Variants in NONO observed in about 807,000 individuals in gnomAD.
NONO encodes the protein non-POU domain containing octamer binding, also known as non-POU domain-containing octamer-binding protein.
NONO carries 6 observed loss-of-function variants against 40.2 expected under a neutral mutation model. The ratio of observed to expected loss-of-function variants is 0.15; its 90% CI spans 0.08 to 0.29. NONO has a LOEUF of 0.29. NONO is among the 10% of genes least tolerant of loss of function. The pLI is 1.00. For missense variants in NONO, 133 were observed against 397.8 expected (o/e 0.33, Z 5.66); for synonymous variants, 89 against 123.3 (o/e 0.72, Z 1.85).
In NONO at chrX:71,292,089, T is replaced by C. The variant is rs780112489; in HGVS notation, c.348+117T>C. On this transcript the variant is annotated intron_variant, in intron 4 of 11. Coordinates refer to ENST00000276079, the MANE Select transcript of NONO (RefSeq NM_007363.5). ...TCAGATGATGTGTTCCTTGAAAGCTTGATGAAACAGAACCACAAAAATGGC... is the reference window on the plus strand; with the variant it reads ...TCAGATGATGTGTTCCTTGAAAGCTCGATGAAACAGAACCACAAAAATGGC... 31 of 492,937 alleles carry C rather than the reference T, an allele frequency of 6.3e-5. No homozygotes were observed. The South Asian group carries it at 1.9e-3, about 30-fold the overall frequency. 40.6% of individuals were successfully genotyped at this position (492,937 alleles called of 1,213,427 possible).
chrX:71,293,887 C>T (rs2031379830), intron 4 of NONO: 1 of 211,390 alleles, frequency 4.7e-6, no homozygotes, highest in Admixed American at 6.5e-5. Context: ...GCCTCGGCCT[C>T]CCAAAATTCT....
At chrX:71,294,070 G>A in intron 4 of NONO, 157 bp from the exon 5 acceptor site, 1 of 539,952 alleles carries the variant, frequency 1.9e-6, no homozygotes, top group Non-Finnish European at 2.9e-6. Flanking sequence ...GGTGGCCAAA[G>A]AGCTGAAGCA....
intron 4 of NONO, among the ~76,000 whole-genome samples, chrX:71,293,718 G>A (rs1224533793): frequency 4.5e-5 from 5 of 110,060 alleles, no homozygotes; most frequent in African/African-American, 9.9e-5. Context: ...TGCAACCTCC[G>A]CCTCCCGGGT....
At chrX:71,296,050 C>T (rs984390850) in intron 5 of NONO, among the ~76,000 whole-genome samples, 1 of 110,657 alleles carries the variant, frequency 9.0e-6, no homozygotes, top group African/African-American at 3.3e-5. Context: ...AGTACTGCAC[C>T]TACCTACTTG....
intron 5 of NONO, among the ~76,000 whole-genome samples, chrX:71,294,808 A>G (rs2031399625): frequency 8.9e-6 from 1 of 111,910 alleles, no homozygotes; most frequent in Admixed American, 9.5e-5. Flanking sequence ...ATTCCCAGCT[A>G]CTTGGGAGGC....
chrX:71,288,119 C>CTTTTTTTTTTTTTTTTTT (rs41517053), intron 2 of NONO, among the ~76,000 whole-genome samples: 452 of 53,773 alleles, frequency 8.4e-3, no homozygotes, highest in Non-Finnish European at 9.2e-3. Context: ...TTATTTTTAT[C>CTTTTTTTTTTTTTTTTTT]TTTTTTTTTT....
intron 11 of NONO, 83 bp downstream of exon 11, chrX:71,298,899 C>A: frequency 1.3e-6 from 1 of 741,480 alleles, no homozygotes; most frequent in Non-Finnish European, 2.0e-6. Flanking sequence ...CCCTGGGGGC[C>A]TACCTCAGTT....
intron 2 of NONO, among the ~76,000 whole-genome samples, chrX:71,286,001 TGACTA>T (rs1299870847): frequency 3.6e-5 from 4 of 112,203 alleles, no homozygotes; most frequent in Non-Finnish European, 7.5e-5. Flanking sequence ...CATAAATTAA[TGACTA>T]GAAGGATATA....
At position 71,300,379 on chromosome X, in the gene NONO, T is replaced by A; in HGVS notation, c.*303T>A. ...TCCAGTTAGAGCCCATTAATCTTGA[T>A]CATTCCGGTTTTTTTTTTTTTTGTC... On this transcript the variant is annotated 3_prime_UTR_variant, in exon 12 of 12. Transcript: ENST00000276079. 3.5e-6 allele frequency: 1 copy of A among 288,550 alleles called. No homozygotes were observed. 23.8% of individuals were successfully genotyped at this position (288,550 alleles called of 1,213,427 possible). A position where few individuals can be genotyped will look rare whatever the true frequency, so the allele number is the denominator to read the frequency against.
At chrX:71,289,477 G>C (rs1390828105) in intron 2 of NONO, among the ~76,000 whole-genome samples, 1 of 110,710 alleles carries the variant, frequency 9.0e-6, no homozygotes, top group African/African-American at 3.3e-5. Context: ...ATTTTTAGTA[G>C]AGACGGGGTT....
Position 71,294,451 on chromosome X carries a change from C to T in NONO, c.573C>T (p.Gly191=), listed in dbSNP as rs140307297. 4.7e-4 allele frequency: 566 copies of T among 1,210,223 alleles called. No individual in the cohort carries two copies. Among genetic ancestry groups the T allele is most frequent in the Middle Eastern group, 1.4e-3 (6 of 4,352 alleles). ...VDDRGRPSGK[G]IVEFSGKPAA... ...ATCGAGGAAGGCCCTCAGGAAAAGG[C>T]ATTGTTGAGTTCTCAGGGAAGCCAG... Residue 191 remains glycine (G), a synonymous_variant, in exon 5 of 12, where the codon GGC becomes GGT. Transcript: ENST00000276079.
At chrX:71,289,245 G>A (rs2031268650) in intron 2 of NONO, among the ~76,000 whole-genome samples, 1 of 111,258 alleles carries the variant, frequency 9.0e-6, no homozygotes, top group Non-Finnish European at 1.9e-5. Flanking sequence ...AACTGCTGAT[G>A]CCTCGTTGTT....
rs1230204084 is a variant in NONO, at chrX:71,297,263, A to G, written c.944-114A>G. The G allele has an allele frequency of 5.1e-6, 4 of 780,000 alleles. No homozygotes were observed. The East Asian group carries it at 1.4e-4, about 27-fold the overall frequency. 64.3% of individuals were successfully genotyped at this position (780,000 alleles called of 1,213,427 possible). A position where few individuals can be genotyped will look rare whatever the true frequency, so the allele number is the denominator to read the frequency against. On this transcript the variant is annotated intron_variant, in intron 7 of 11. Transcript: ENST00000276079. ...AACTTCATTTTGGAATCTGGACACCACAGGTGGTTCCAAAGGAATTAGATC... is the reference window on the plus strand; with the variant it reads ...AACTTCATTTTGGAATCTGGACACCGCAGGTGGTTCCAAAGGAATTAGATC...
intron 4 of NONO, 183 bp downstream of exon 4, chrX:71,292,155 C>G (rs1378370887): frequency 2.8e-6 from 1 of 353,822 alleles, no homozygotes; most frequent in Non-Finnish European, 4.7e-6. Context: ...TCAAGGATAA[C>G]AAGTTTTTTG....
At position 71,298,832 on chromosome X, in the gene NONO, T is replaced by G; in HGVS notation, c.1281+16T>G. The G allele has an allele frequency of 1.1e-4, 109 of 1,018,337 alleles. No homozygotes were observed. Among genetic ancestry groups the G allele is most frequent in the Non-Finnish European group, 1.3e-4 (95 of 722,686 alleles). 83.9% of individuals were successfully genotyped at this position (1,018,337 alleles called of 1,213,427 possible). On this transcript the variant is annotated intron_variant, in intron 11 of 11. Transcript: ENST00000276079. ...TTTGGGATTGGTAATAAAACTGCAG[T>G]GCCTTAACAGTAATTCTAAATGGTG...
chrX:71,296,476 T>A, intron 5 of NONO, 89 bp from the exon 6 acceptor site: 1 of 623,388 alleles, frequency 1.6e-6, no homozygotes. Flanking sequence ...TCCTGAGCCC[T>A]AGCTAATTCA....
Position 71,300,386 on chromosome X carries a change from G to GTT in NONO, c.*310_*311insTT. ...AGAGCCCATTAATCTTGATCATTCC[G>GTT]GTTTTTTTTTTTTTTGTCCATCTTG... On this transcript the variant is annotated 3_prime_UTR_variant, in exon 12 of 12. Transcript: ENST00000276079. 2 of 277,831 alleles carry GTT rather than the reference G, an allele frequency of 7.2e-6. No individual in the cohort carries two copies. The highest frequency in any genetic ancestry group is 6.5e-5 in the East Asian group (1 of 15,300). 22.9% of individuals were successfully genotyped at this position (277,831 alleles called of 1,213,427 possible). A position where few individuals can be genotyped will look rare whatever the true frequency, so the allele number is the denominator to read the frequency against.
chrX:71,285,410 A>G (rs767895044), intron 2 of NONO, among the ~76,000 whole-genome samples: 8 of 111,902 alleles, frequency 7.1e-5, no homozygotes, highest in African/African-American at 1.3e-4. Context: ...ATGGCGTTTA[A>G]AATCCTTACA....
chrX:71,298,714 G>T lies in NONO; in HGVS notation c.1179G>T (p.Met393Ile), dbSNP rs138148374. Reference sequence around the variant, plus strand: ...CACACTACTCTGCCTTAGGTGCTATGGGCATAAACAACAGAGGTGCCATGC... The same window carrying T: ...CACACTACTCTGCCTTAGGTGCTATTGGCATAAACAACAGAGGTGCCATGC... ...RMGQMAMGGA[M>I]GINNRGAMPP... The change falls in exon 11 of 12, where the codon ATG becomes ATT. Residue 393 changes from methionine (M) to isoleucine (I), a missense_variant. Transcript: ENST00000276079. 4.8e-3 allele frequency: 5,745 copies of T among 1,205,232 alleles called. 17 individuals carry two copies. Among genetic ancestry groups the T allele is most frequent in the Non-Finnish European group, 5.5e-3 (4,903 of 891,583 alleles).
Sources: gnomAD v4.1 joint callset for allele counts (sites outside exome capture counted in the v4.1 genomes callset) on GRCh38, gnomAD v4.1.1 for gene constraint, MANE v1.5 for transcripts, NCBI Gene and HGNC (gene_info 2026-07-23, HGNC 2026-07-21) for gene names.